Variants in PNISR observed in about 807,000 individuals in gnomAD.
The protein encoded by PNISR is PNN interacting serine and arginine rich protein.
PNISR carries 20 observed loss-of-function variants against 93.4 expected under a neutral mutation model. The ratio of observed to expected loss-of-function variants is 0.21; its 90% CI spans 0.15 to 0.31. The LOEUF is 0.31. Ranked by LOEUF, PNISR falls within the 10% of genes least tolerant of loss-of-function variation. The pLI, the probability that PNISR is intolerant of heterozygous loss-of-function variation, is 1.00. For missense variants in PNISR, 893 were observed against 985.4 expected, an observed-to-expected ratio of 0.91 and a Z score of 1.25; for synonymous variants, 305 against 306.5, an observed-to-expected ratio of 0.99 and a Z score of 0.05.
chr6:99,414,754 A>G (rs1424984193), intron 2 of PNISR, 64 bp from the exon 3 acceptor site: 1 of 666,244 alleles, frequency 1.5e-6, no homozygotes, highest in Non-Finnish European at 2.4e-6. Flanking sequence ...ACCTCACATC[A>G]GAAATTATTA....
In PNISR at chr6:99,410,933, G is replaced by T. The variant is rs553699408; in HGVS notation, c.309C>A (p.Pro103=). 2 of 1,613,936 alleles carry T rather than the reference G, an allele frequency of 1.2e-6. No individual in the cohort carries two copies. Among genetic ancestry groups the T allele is most frequent in the Non-Finnish European group, 1.7e-6 (2 of 1,179,876 alleles). ...EWGMHQQPPH[P]PPDQPWMPPT... ...GTGGCATCCATGGCTGATCTGGAGG[G>T]GGGTGTGGGGGTTGCTGATGCATTC... is the stretch of plus-strand genomic sequence containing the variant. The change falls in exon 5 of 12, where the codon CCC becomes CCA. Residue 103 remains proline (P), a synonymous_variant. Transcript: ENST00000369239.
At chr6:99,406,576 T>C (rs1776179991) in intron 7 of PNISR, among the ~76,000 whole-genome samples, 1 of 152,186 alleles carries the variant, frequency 6.6e-6, no homozygotes, top group East Asian at 1.9e-4. Context: ...TACAGCTATA[T>C]ATTTAAGCTA....
At chr6:99,411,556 C>G (rs1353021745) in intron 4 of PNISR, among the ~76,000 whole-genome samples, 1 of 152,038 alleles carries the variant, frequency 6.6e-6, no homozygotes, top group Non-Finnish European at 1.5e-5. Flanking sequence ...AAATGAACCA[C>G]CTCACAGTAT....
At position 99,425,300 on chromosome 6, in the gene PNISR, A is replaced by G. The variant is rs1355003148; in HGVS notation, c.-197T>C. The G allele has an allele frequency of 4.1e-6, 5 of 1,232,150 alleles. No homozygotes were observed. The highest frequency in any genetic ancestry group is 4.1e-5 in the South Asian group (1 of 24,322). 76.3% of individuals were successfully genotyped at this position (1,232,150 alleles called of 1,614,324 possible). ...CGATGCTTCTACTTCTTCGGGAACA[A>G]GACAAGATGGCGCCCGATTTGTCTC... On this transcript the variant is annotated 5_prime_UTR_variant, in exon 1 of 12. Transcript: ENST00000369239.
chr6:99,413,753 T>C (rs576971704), intron 3 of PNISR, among the ~76,000 whole-genome samples: 1 of 148,322 alleles, frequency 6.7e-6, no homozygotes, highest in Non-Finnish European at 1.5e-5. Flanking sequence ...GATATGTTTT[T>C]CTGCATCTTA....
Position 99,400,464 on chromosome 6 carries a change from A to AGG in PNISR, c.*75_*76insCC, listed in dbSNP as rs1562221644. The AGG allele has an allele frequency of 7.2e-6, 11 of 1,520,482 alleles. No homozygotes were observed. The highest frequency in any genetic ancestry group is 7.0e-6 in the Non-Finnish European group (8 of 1,138,918). 94.2% of individuals were successfully genotyped at this position (1,520,482 alleles called of 1,614,324 possible). ...CAAACTGAGTTTATTAAAGAGAGAG[A>AGG]GAAAGGACACTTTCAACTTTGAATA... On this transcript the variant is annotated 3_prime_UTR_variant, in exon 12 of 12. Transcript: ENST00000369239.
At chr6:99,405,059 G>A (rs1456811666) in intron 8 of PNISR, among the ~76,000 whole-genome samples, 3 of 152,220 alleles carry the variant, frequency 2.0e-5, no homozygotes, top group African/African-American at 7.2e-5. Flanking sequence ...GATTACAGGC[G>A]TGAGCCACCG....
intron 1 of PNISR, among the ~76,000 whole-genome samples, chr6:99,422,220 G>T (rs76567567): frequency 6.6e-6 from 1 of 152,276 alleles, no homozygotes; most frequent in African/African-American, 2.4e-5. Flanking sequence ...GACAGAGATG[G>T]ATGAGAATTA....
intron 3 of PNISR, 134 bp downstream of exon 3, chr6:99,414,438 G>A (rs1289432850): frequency 9.1e-6 from 4 of 437,178 alleles, no homozygotes; most frequent in Non-Finnish European, 1.6e-5. Context: ...GGCTATTTAT[G>A]AGAAGATTAA....
At chr6:99,414,778 T>C in intron 2 of PNISR, 88 bp from the exon 3 acceptor site, 1 of 582,122 alleles carries the variant, frequency 1.7e-6, no homozygotes, top group South Asian at 3.2e-5. Flanking sequence ...GATGATACAT[T>C]TATTTCATCA....
rs555171924 is a variant in PNISR, at chr6:99,422,526, A to G, written c.-112+2689T>C. Among the ~76,000 whole-genome samples, 10 of 152,368 alleles carry G rather than the reference A, an allele frequency of 6.6e-5. No individual in the cohort carries two copies. The South Asian group carries it at 1.9e-3, about 28-fold the overall frequency. On this transcript the variant is annotated intron_variant, in intron 1 of 11. Transcript: ENST00000369239. ...AACAGAAATTTTGCTACTTTATGTG[A>G]CATGCATTTTAGTATATACTGAAAT... is the stretch of plus-strand genomic sequence containing the variant.
At chr6:99,409,145 G>T in intron 6 of PNISR, 28 bp downstream of exon 6, 1 of 1,575,742 alleles carries the variant, frequency 6.3e-7, no homozygotes, top group Non-Finnish European at 8.7e-7. Context: ...TGCCAATTGT[G>T]GTCCACTAAA....
Position 99,419,873 on chromosome 6 carries a change from C to T in PNISR, c.-111-3445G>A, listed in dbSNP as rs191380346. Among the ~76,000 whole-genome samples the T allele has an allele frequency of 1.0e-3, 156 of 151,648 alleles. 1 individual carries two copies. Among genetic ancestry groups the T allele is most frequent in the Non-Finnish European group, 1.7e-3 (117 of 67,948 alleles). On this transcript the variant is annotated intron_variant, in intron 1 of 11. Transcript: ENST00000369239. ...GAAGATTTTGTAATTTAGTAATTTTCTATACATAACTGCATTCTTTTTTTT... is the reference window on the plus strand; with the variant it reads ...GAAGATTTTGTAATTTAGTAATTTTTTATACATAACTGCATTCTTTTTTTT...
chr6:99,418,494 A>G (rs866688493), intron 1 of PNISR, among the ~76,000 whole-genome samples: 7 of 151,600 alleles, frequency 4.6e-5, no homozygotes, highest in Admixed American at 1.3e-4. Context: ...TTTAATTTGC[A>G]TATTTTCAAG....
intron 2 of PNISR, 129 bp downstream of exon 2, chr6:99,416,220 T>C (rs1194831343): frequency 5.1e-6 from 2 of 392,944 alleles, no homozygotes; most frequent in Non-Finnish European, 8.9e-6. Flanking sequence ...CAAGTACGCC[T>C]TTAGACTCCT....
At chr6:99,420,493 G>A (rs1463328702) in intron 1 of PNISR, among the ~76,000 whole-genome samples, 3 of 152,152 alleles carry the variant, frequency 2.0e-5, no homozygotes, top group African/African-American at 7.2e-5. Context: ...GATTACTAGT[G>A]ATTTTATGGC....
At chr6:99,403,456 G>A in intron 10 of PNISR, 1 of 154,958 alleles carries the variant, frequency 6.5e-6, no homozygotes, top group Admixed American at 6.4e-5. Flanking sequence ...TCTTCCCTAA[G>A]GCATGTATGC....
chr6:99,419,351 T>A (rs1778239113), intron 1 of PNISR, among the ~76,000 whole-genome samples: 1 of 152,022 alleles, frequency 6.6e-6, no homozygotes, highest in Non-Finnish European at 1.5e-5. Flanking sequence ...TTCAGTGACA[T>A]TAAATTAAAG....
chr6:99,405,789 T>G (rs1042911796), intron 8 of PNISR, among the ~76,000 whole-genome samples: 3 of 152,172 alleles, frequency 2.0e-5, no homozygotes, highest in Admixed American at 2.0e-4. Context: ...ACTCCTGGAC[T>G]CAAGCAATCC....
Sources: gnomAD v4.1 joint callset for allele counts (sites outside exome capture counted in the v4.1 genomes callset) on GRCh38, gnomAD v4.1.1 for gene constraint, MANE v1.5 for transcripts, NCBI Gene and HGNC (gene_info 2026-07-23, HGNC 2026-07-21) for gene names.